The following MACROD1 variants were observed in gnomAD, a reference collection of about 807,000 sequenced individuals.
MACROD1 encodes the protein mono-ADP ribosylhydrolase 1.
In MACROD1, 31 loss-of-function variants were observed where a neutral mutation model predicts 41.4. The observed-to-expected ratio is 0.75, with a 90% CI of 0.56 to 1.01. The LOEUF (loss-of-function observed/expected upper bound fraction) is 1.01, where lower values mean the gene tolerates loss of function less well. MACROD1 is among the 50% of genes least tolerant of loss of function. MACROD1 has a pLI of 0.00. For synonymous variants in MACROD1, 252 were observed against 203.4 expected, an observed-to-expected ratio of 1.24 and a Z score of -2.03; for missense variants, 473 against 460.0, an observed-to-expected ratio of 1.03 and a Z score of -0.26.
chr11:64,098,140 G>A (rs1944610069), intron 3 of MACROD1, among the ~76,000 whole-genome samples: 1 of 152,092 alleles, frequency 6.6e-6, no homozygotes, highest in Non-Finnish European at 1.5e-5. Context: ...ATGCAGCAGC[G>A]AGAACACTCT....
At position 64,151,265 on chromosome 11, in the gene MACROD1, A is replaced by T. The variant is rs1348490672; in HGVS notation, c.491T>A (p.Leu164Gln). Residue 164 changes from leucine to glutamine, a missense_variant, in exon 3 of 11, where the codon CTG (leucine) becomes CAG (glutamine). Transcript: ENST00000255681. ...GGCGTTGACGATGGCGTCCACCTCC[A>T]GCTTGGTGATGTCGCTGCGGAGCAG... ...ISLLRSDITK[L>Q]EVDAIVNAAN... 16 of 1,613,812 alleles carry T rather than the reference A, an allele frequency of 9.9e-6. No individual in the cohort carries two copies. The highest frequency in any genetic ancestry group is 1.3e-5 in the Non-Finnish European group (15 of 1,180,004).
chr11:64,116,623 A>G (rs1944986858), intron 3 of MACROD1: 7 of 1,614,162 alleles, frequency 4.3e-6, no homozygotes, highest in Non-Finnish European at 5.9e-6. Context: ...AATGACCTGG[A>G]TGAGTTCCCC....
intron 3 of MACROD1, among the ~76,000 whole-genome samples, chr11:64,128,325 AAC>A (rs953982601): frequency 3.9e-5 from 6 of 152,130 alleles, no homozygotes; most frequent in African/African-American, 1.4e-4. Flanking sequence ...CTCTTTCTGG[AAC>A]ACAGTCAGCC....
chr11:64,137,562 G>A (rs1945349569), intron 3 of MACROD1, among the ~76,000 whole-genome samples: 1 of 152,202 alleles, frequency 6.6e-6, no homozygotes. Flanking sequence ...AGTTGCAACA[G>A]ATTTGCTCAG....
intron 1 of MACROD1, among the ~76,000 whole-genome samples, chr11:64,163,308 T>G (rs957138652): frequency 6.6e-6 from 1 of 151,968 alleles, no homozygotes; most frequent in Non-Finnish European, 1.5e-5. Flanking sequence ...CAAAAAAAAA[T>G]TTTTTTAAGA....
At chr11:64,019,912 CATG>C (rs1454374150) in intron 3 of MACROD1, among the ~76,000 whole-genome samples, 4 of 152,100 alleles carry the variant, frequency 2.6e-5, no homozygotes, top group African/African-American at 9.7e-5. Flanking sequence ...CGGGGACGTG[CATG>C]ATGAGGGCAC....
At chr11:64,164,846 A>C (rs1407655023) in intron 1 of MACROD1, among the ~76,000 whole-genome samples, 1 of 152,116 alleles carries the variant, frequency 6.6e-6, no homozygotes, top group East Asian at 1.9e-4. Context: ...GCAGGCCCTG[A>C]AAGGCAGGGG....
intron 1 of MACROD1, 68 bp downstream of exon 1, chr11:64,165,629 G>A: frequency 1.5e-6 from 2 of 1,300,718 alleles, no homozygotes; most frequent in South Asian, 2.0e-5. Flanking sequence ...GCTCGTTGGG[G>A]GCCGCCCAGC....
In MACROD1 at chr11:64,079,468, C is replaced by T. The variant is rs191230070; in HGVS notation, c.518-64187G>A. On this transcript the variant is annotated intron_variant, in intron 3 of 10. Coordinates refer to ENST00000255681, the MANE Select transcript of MACROD1 (RefSeq NM_014067.4). ...GATCCAAGAAATGAGCAGCCGGGCA[C>T]GCAGGGGCAGGAATGGGGCAGGGAT... Among the ~76,000 whole-genome samples, 366 of 152,138 alleles carry T rather than the reference C, an allele frequency of 2.4e-3. 2 individuals are homozygous for T. The highest frequency in any genetic ancestry group is 8.4e-3 in the African/African-American group (350 of 41,484).
chr11:64,073,713 C>T (rs1944150237), intron 3 of MACROD1, among the ~76,000 whole-genome samples: 1 of 152,294 alleles, frequency 6.6e-6, no homozygotes, highest in East Asian at 1.9e-4. Flanking sequence ...CGTGGGTTCT[C>T]GCCTCCCAAA....
chr11:64,062,776 G>C (rs191002280), intron 3 of MACROD1, among the ~76,000 whole-genome samples: 2 of 152,282 alleles, frequency 1.3e-5, no homozygotes, highest in African/African-American at 4.8e-5. Flanking sequence ...AGGCCGGGCA[G>C]GTCTGGGGTG....
chr11:64,128,340 C>T (rs1388855375), intron 3 of MACROD1, among the ~76,000 whole-genome samples: 1 of 152,202 alleles, frequency 6.6e-6, no homozygotes. Context: ...AGTCAGCCAG[C>T]CAGCCAGCCA....
chr11:64,060,227 C>T (rs1024484528), intron 3 of MACROD1, among the ~76,000 whole-genome samples: 12 of 152,270 alleles, frequency 7.9e-5, no homozygotes, highest in Non-Finnish European at 1.3e-4. Context: ...TTCAAGCGGC[C>T]TGACAGCTCC....
At chr11:64,137,576 A>C (rs556966386) in intron 3 of MACROD1, among the ~76,000 whole-genome samples, 1 of 152,294 alleles carries the variant, frequency 6.6e-6, no homozygotes, top group South Asian at 2.1e-4. Context: ...TGCTCAGCCT[A>C]GTTTTGAGGT....
At chr11:64,117,330 C>T in intron 3 of MACROD1, 1 of 1,614,100 alleles carries the variant, frequency 6.2e-7, no homozygotes, top group South Asian at 1.1e-5. Context: ...CGTGCGGGGC[C>T]TCATGTGCCA....
chr11:63,998,827 G>T lies in MACROD1; in HGVS notation c.*30+11C>A, dbSNP rs780452884. On this transcript the variant is annotated intron_variant, in intron 10 of 10. Transcript: ENST00000255681. The stretch of plus-strand genomic sequence containing the variant: ...GGCCGGGGCCGCCGCACGGGGCGAG[G>T]CCCTGCTTACCAGTCCCGGTCAGGG... 6.4e-7 allele frequency: 1 copy of T among 1,557,822 alleles called. No individual in the cohort carries two copies. Among genetic ancestry groups the T allele is most frequent in the South Asian group, 1.2e-5 (1 of 83,820 alleles).
chr11:64,121,048 G>A (rs1457846658), intron 3 of MACROD1, among the ~76,000 whole-genome samples: 2 of 152,328 alleles, frequency 1.3e-5, no homozygotes, highest in South Asian at 2.1e-4. Context: ...AGCTGCCTGG[G>A]AAGGTCCTGC....
chr11:64,057,823 G>A (rs1943818206), intron 3 of MACROD1, among the ~76,000 whole-genome samples: 1 of 152,242 alleles, frequency 6.6e-6, no homozygotes, highest in South Asian at 2.1e-4. Flanking sequence ...GGGTCCAGCA[G>A]GCAGCAGCAC....
At chr11:64,024,916 C>A (rs1190540503) in intron 3 of MACROD1, among the ~76,000 whole-genome samples, 1 of 152,168 alleles carries the variant, frequency 6.6e-6, no homozygotes, top group African/African-American at 2.4e-5. Flanking sequence ...AAGCCCCTTG[C>A]CTCTCTGTGA....
Sources: allele counts gnomAD v4.1 joint callset (sites outside exome capture counted in the v4.1 genomes callset), GRCh38; gene constraint gnomAD v4.1.1; transcripts MANE v1.5; gene names NCBI Gene and HGNC (gene_info 2026-07-23, HGNC 2026-07-21).